Variants in PPP2R3A observed in about 807,000 individuals in gnomAD.
PPP2R3A encodes protein phosphatase 2 regulatory subunit B''alpha.
In PPP2R3A, 80 loss-of-function variants were observed where a neutral mutation model predicts 106.9. That is an observed-to-expected ratio of 0.75 (90% CI 0.62 to 0.90). The LOEUF is 0.90. Among genes scored for constraint, PPP2R3A ranks in the 40% least tolerant of loss-of-function variants. PPP2R3A has a pLI of 0.00. For missense variants in PPP2R3A, 1,386 were observed against 1,350.4 expected, an observed-to-expected ratio of 1.03 and a Z score of -0.41; for synonymous variants, 483 against 468.3, an observed-to-expected ratio of 1.03 and a Z score of -0.41.
At chr3:136,090,783 TTAGA>T in intron 10 of PPP2R3A, 116 bp downstream of exon 10, 5 of 727,788 alleles carry the variant, frequency 6.9e-6, no homozygotes, top group Non-Finnish European at 1.1e-5. Flanking sequence ...CTAAGATGAA[TTAGA>T]CTTAGTTTCT....
At chr3:136,144,959 C>G (rs1235371139) in intron 13 of PPP2R3A, 84 bp from the exon 14 acceptor site, 1 of 1,481,884 alleles carries the variant, frequency 6.7e-7, no homozygotes, top group Non-Finnish European at 9.1e-7. Flanking sequence ...GTGGGCTGGT[C>G]TTGAGGCTCG....
chr3:136,068,876 C>A (rs1402578953), intron 5 of PPP2R3A, among the ~76,000 whole-genome samples: 2 of 152,144 alleles, frequency 1.3e-5, no homozygotes, highest in East Asian at 1.9e-4. Flanking sequence ...TTACGTATGC[C>A]CAGTGATGCA....
intron 5 of PPP2R3A, among the ~76,000 whole-genome samples, chr3:136,053,399 T>C (rs938372597): frequency 1.3e-5 from 2 of 151,960 alleles, no homozygotes; most frequent in Non-Finnish European, 2.9e-5. Flanking sequence ...AGAAGTAGGC[T>C]AAGAAAACCA....
intron 1 of PPP2R3A, among the ~76,000 whole-genome samples, chr3:135,991,311 A>G (rs1933150984): frequency 6.6e-6 from 1 of 152,172 alleles, no homozygotes; most frequent in Non-Finnish European, 1.5e-5. Context: ...ATTTTTACCC[A>G]TAGAATGTTA....
chr3:136,137,452 A>G (rs1384728265), intron 13 of PPP2R3A, among the ~76,000 whole-genome samples: 4 of 149,532 alleles, frequency 2.7e-5, no homozygotes, highest in African/African-American at 9.8e-5. Flanking sequence ...ACATTTGGGC[A>G]GATTAGAACT....
intron 5 of PPP2R3A, among the ~76,000 whole-genome samples, chr3:136,066,531 G>T (rs1936266275): frequency 6.6e-6 from 1 of 152,180 alleles, no homozygotes; most frequent in African/African-American, 2.4e-5. Context: ...AAAGAGAAGA[G>T]GTTTAAGTGG....
chr3:136,074,207 A>G (rs1440210648), intron 6 of PPP2R3A, among the ~76,000 whole-genome samples: 1 of 152,226 alleles, frequency 6.6e-6, no homozygotes, highest in Admixed American at 6.5e-5. Context: ...AGGTACATAT[A>G]TGATGAAGGA....
chr3:136,049,815 C>T (rs1358884525), intron 5 of PPP2R3A, among the ~76,000 whole-genome samples: 3 of 152,190 alleles, frequency 2.0e-5, no homozygotes, highest in Non-Finnish European at 2.9e-5. Context: ...CTCACTGCCT[C>T]CTGACCCATT....
chr3:136,032,470 C>T (rs1934930431), intron 3 of PPP2R3A, among the ~76,000 whole-genome samples: 2 of 151,000 alleles, frequency 1.3e-5, no homozygotes, highest in Non-Finnish European at 3.0e-5. Flanking sequence ...ATCATATCAT[C>T]AGCAAACAGC....
At chr3:136,104,390 T>C (rs1937462748) in intron 12 of PPP2R3A, among the ~76,000 whole-genome samples, 1 of 151,786 alleles carries the variant, frequency 6.6e-6, no homozygotes, top group Admixed American at 6.6e-5. Context: ...CACCGCAACC[T>C]CCGCCTCCCG....
chr3:136,114,198 T>G (rs1387255890), intron 13 of PPP2R3A, among the ~76,000 whole-genome samples: 1 of 152,090 alleles, frequency 6.6e-6, no homozygotes, highest in Non-Finnish European at 1.5e-5. Context: ...AGGGAAGTCA[T>G]GAGGGATTGT....
chr3:136,009,896 G>A (rs190384889), intron 2 of PPP2R3A, among the ~76,000 whole-genome samples: 12 of 152,156 alleles, frequency 7.9e-5, no homozygotes, highest in Non-Finnish European at 1.5e-4. Flanking sequence ...GCTTTTATTC[G>A]TGCAGCTGAA....
intron 13 of PPP2R3A, among the ~76,000 whole-genome samples, chr3:136,141,246 G>T (rs1938861504): frequency 6.6e-6 from 1 of 152,184 alleles, no homozygotes; most frequent in Admixed American, 6.5e-5. Context: ...ACACCTAAAA[G>T]GTTGAAAAGA....
chr3:136,144,616 G>A (rs998401461), intron 13 of PPP2R3A, among the ~76,000 whole-genome samples: 31 of 151,604 alleles, frequency 2.0e-4, no homozygotes, highest in Admixed American at 1.8e-3. Flanking sequence ...AGCCAAGATC[G>A]TGCCACTTCA....
chr3:136,055,964 AC>A (rs1350241234), intron 5 of PPP2R3A, among the ~76,000 whole-genome samples: 1 of 152,180 alleles, frequency 6.6e-6, no homozygotes, highest in Non-Finnish European at 1.5e-5. Context: ...CCTGACAGAT[AC>A]TACCTCAGTC....
chr3:136,050,829 G>A (rs965993463), intron 5 of PPP2R3A, among the ~76,000 whole-genome samples: 5 of 152,066 alleles, frequency 3.3e-5, no homozygotes, highest in African/African-American at 1.2e-4. Context: ...CTTTCAAGTA[G>A]GGGTGAGCTC....
chr3:136,012,052 A>G (rs1934105008), intron 2 of PPP2R3A, among the ~76,000 whole-genome samples: 1 of 152,056 alleles, frequency 6.6e-6, no homozygotes, highest in Non-Finnish European at 1.5e-5. Flanking sequence ...AGTATTTTAT[A>G]GCACCAGTCA....
chr3:136,090,088 T>G (rs1227466981), intron 9 of PPP2R3A, among the ~76,000 whole-genome samples: 1 of 152,180 alleles, frequency 6.6e-6, no homozygotes, highest in African/African-American at 2.4e-5. Context: ...TGGATGTGTT[T>G]TATTTCTTTC....
chr3:136,044,888 T>C (rs1410174230), intron 4 of PPP2R3A, among the ~76,000 whole-genome samples: 1 of 152,288 alleles, frequency 6.6e-6, no homozygotes, highest in East Asian at 1.9e-4. Context: ...ACAGCCACCA[T>C]GGACGTTTGA....
Sources: allele counts gnomAD v4.1 joint callset (sites outside exome capture counted in the v4.1 genomes callset), GRCh38; gene constraint gnomAD v4.1.1; transcripts MANE v1.5; gene names NCBI Gene and HGNC (gene_info 2026-07-23, HGNC 2026-07-21).